Variants in MACROD2 observed in about 807,000 individuals in gnomAD.
MACROD2 encodes ADP-ribose glycohydrolase MACROD2.
In MACROD2, 36 loss-of-function variants were observed where a neutral mutation model predicts 70.4. The observed-to-expected ratio is 0.51, with a 90% CI of 0.39 to 0.68. The LOEUF (loss-of-function observed/expected upper bound fraction) is 0.68, where lower values mean the gene tolerates loss of function less well. Among genes scored for constraint, MACROD2 ranks in the 30% least tolerant of loss-of-function variants. The probability of loss-of-function intolerance (pLI) is 0.00; values close to 1 mark genes in which losing one functional copy is unlikely to be tolerated. For synonymous variants in MACROD2, 172 were observed against 178.8 expected (o/e 0.96, Z 0.30); for missense variants, 496 against 538.4 (o/e 0.92, Z 0.78).
chr20:15,004,988 C>G (rs749223098), intron 5 of MACROD2, among the ~76,000 whole-genome samples: 1 of 152,046 alleles, frequency 6.6e-6, no homozygotes, highest in Non-Finnish European at 1.5e-5. Context: ...AAGGATTGCT[C>G]TCTGAAAGTT....
At chr20:14,699,771 T>C (rs2071170868) in intron 5 of MACROD2, among the ~76,000 whole-genome samples, 1 of 151,834 alleles carries the variant, frequency 6.6e-6, no homozygotes, top group Non-Finnish European at 1.5e-5. Context: ...TCTAGAAGTT[T>C]AAAGTTTAAA....
rs942327227 is a variant in MACROD2, at chr20:14,926,394, C to T, written c.418+241435C>T. On this transcript the variant is annotated intron_variant, in intron 5 of 17. Transcript: ENST00000684519. ...GAATCCCCGTCTCTACTAAAAAATA[C>T]AAAAAATTAGCTGGGTATGGTGGTG... is the stretch of plus-strand genomic sequence containing the variant. Among the ~76,000 whole-genome samples, 4 of 151,704 alleles carry T rather than the reference C, an allele frequency of 2.6e-5. No individual in the cohort carries two copies. In the South Asian group the frequency reaches 8.3e-4, roughly 32 times the overall value.
chr20:14,533,171 T>C (rs1291346135), intron 4 of MACROD2, among the ~76,000 whole-genome samples: 1 of 152,232 alleles, frequency 6.6e-6, no homozygotes. Flanking sequence ...TTTAACCTTA[T>C]AAGGAAAGTA....
At chr20:14,841,627 C>T (rs2073088634) in intron 5 of MACROD2, among the ~76,000 whole-genome samples, 1 of 152,078 alleles carries the variant, frequency 6.6e-6, no homozygotes, top group African/African-American at 2.4e-5. Flanking sequence ...AAGTGTCTTG[C>T]TGTTCTATTG....
At chr20:15,805,023 A>G (rs79372770) in intron 8 of MACROD2, among the ~76,000 whole-genome samples, 5,999 of 152,246 alleles carry the variant, frequency 0.039, 412 homozygotes, top group African/African-American at 0.14. Context: ...GTGCTGAACA[A>G]TGCATCCTTA....
rs2051375738 is a variant in MACROD2 at position 15,758,128 on chromosome 20, G to A, written c.646-104617G>A. 2.0e-5 allele frequency among the ~76,000 whole-genome samples: 3 copies of A among 151,706 alleles called. 1 individual carries two copies. The South Asian group carries it at 6.2e-4, about 32-fold the overall frequency. ...AATATTGTAAGCAAATAATTGTTGG[G>A]TATTTATTACTTAAAAGTTAATAAT... is the stretch of plus-strand genomic sequence containing the variant. On this transcript the variant is annotated intron_variant, in intron 8 of 17. Coordinates refer to ENST00000684519, the MANE Select transcript of MACROD2 (RefSeq NM_001351661.2).
At chr20:16,046,334 C>CTT (rs11478531) in intron 17 of MACROD2, among the ~76,000 whole-genome samples, 2 of 149,980 alleles carry the variant, frequency 1.3e-5, no homozygotes, top group African/African-American at 4.9e-5. Context: ...AACATTTCTC[C>CTT]TTTTTTTTTT....
chr20:15,457,065 T>C (rs2046738277), intron 7 of MACROD2, among the ~76,000 whole-genome samples: 1 of 149,244 alleles, frequency 6.7e-6, no homozygotes, highest in African/African-American at 2.5e-5. Context: ...CTTTTTTTTT[T>C]TTTTTTTTTT....
intron 6 of MACROD2, among the ~76,000 whole-genome samples, chr20:15,329,804 C>T (rs796986116): frequency 3.9e-5 from 6 of 152,088 alleles, no homozygotes; most frequent in East Asian, 1.9e-4. Context: ...GAAACAGAAA[C>T]GCTGATGGCA....
intron 5 of MACROD2, among the ~76,000 whole-genome samples, chr20:15,165,996 A>G (rs1332234020): frequency 6.6e-6 from 1 of 152,208 alleles, no homozygotes; most frequent in East Asian, 1.9e-4. Flanking sequence ...GCCAGATGCA[A>G]AAGGCTACAT....
intron 6 of MACROD2, among the ~76,000 whole-genome samples, chr20:15,269,947 C>T (rs551608995): frequency 4.6e-5 from 7 of 152,256 alleles, no homozygotes; most frequent in African/African-American, 1.7e-4. Context: ...GCTCTGGTCT[C>T]ATTTAGGAGA....
At chr20:15,284,556 T>G (rs569348723) in intron 6 of MACROD2, among the ~76,000 whole-genome samples, 2 of 152,288 alleles carry the variant, frequency 1.3e-5, no homozygotes, top group Non-Finnish European at 2.9e-5. Context: ...TTGCAGTCTT[T>G]GATAATGTCA....
intron 9 of MACROD2, among the ~76,000 whole-genome samples, chr20:15,874,264 A>G (rs1372934239): frequency 6.6e-6 from 1 of 151,986 alleles, no homozygotes; most frequent in Non-Finnish European, 1.5e-5. Context: ...TTTTGGCTGC[A>G]TAGTATTCCA....
intron 13 of MACROD2, among the ~76,000 whole-genome samples, chr20:15,985,376 A>T (rs1047218430): frequency 3.9e-5 from 6 of 152,262 alleles, no homozygotes; most frequent in African/African-American, 1.4e-4. Flanking sequence ...CAAAACCAAA[A>T]CCAAAGTATC....
At chr20:15,142,936 A>C (rs2076203243) in intron 5 of MACROD2, among the ~76,000 whole-genome samples, 1 of 152,068 alleles carries the variant, frequency 6.6e-6, no homozygotes, top group African/African-American at 2.4e-5. Context: ...GTTGGTTCCA[A>C]GTCTTTGCTA....
At chr20:14,515,461 ACACG>A (rs1224000333) in intron 4 of MACROD2, among the ~76,000 whole-genome samples, 13 of 80,842 alleles carry the variant, frequency 1.6e-4, no homozygotes, top group Non-Finnish European at 2.8e-4. Flanking sequence ...AGATACACAC[ACACG>A]CACACACACA....
chr20:14,282,424 A>G (rs991564673), intron 3 of MACROD2, among the ~76,000 whole-genome samples: 2 of 152,130 alleles, frequency 1.3e-5, no homozygotes, highest in Admixed American at 1.3e-4. Context: ...TGTCTGCTGG[A>G]TGGTCAGTGT....
chr20:15,592,320 C>T (rs546046502), intron 8 of MACROD2, among the ~76,000 whole-genome samples: 6 of 152,288 alleles, frequency 3.9e-5, no homozygotes, highest in Admixed American at 3.3e-4. Context: ...AGAGATGGGT[C>T]AGCGATTTTG....
At chr20:15,936,449 A>G (rs949156861) in intron 11 of MACROD2, among the ~76,000 whole-genome samples, 6 of 148,192 alleles carry the variant, frequency 4.0e-5, no homozygotes, top group African/African-American at 1.5e-4. Context: ...GTATATGTAT[A>G]CTATATATAC....
Sources: gnomAD v4.1 joint callset for allele counts (sites outside exome capture counted in the v4.1 genomes callset) on GRCh38, gnomAD v4.1.1 for gene constraint, MANE v1.5 for transcripts, NCBI Gene and HGNC (gene_info 2026-07-23, HGNC 2026-07-21) for gene names.